LINGO1: variants seen among roughly 807,000 people sequenced by gnomAD.
The protein encoded by LINGO1 is leucine rich repeat and Ig domain containing 1.
A neutral mutation model predicts 37.3 loss-of-function variants in LINGO1; 11 were observed. The ratio of observed to expected loss-of-function variants is 0.29; its 90% CI spans 0.19 to 0.49. The LOEUF (loss-of-function observed/expected upper bound fraction) is 0.49. LINGO1 is among the 20% of genes least tolerant of loss of function. The pLI, the probability that LINGO1 is intolerant of heterozygous loss-of-function variation, is 0.99. For synonymous variants in LINGO1, 387 were observed against 403.0 expected (o/e 0.96, Z 0.48); for missense variants, 585 against 878.2 (o/e 0.67, Z 4.22).
At chr15:77,664,649 T>A (rs975369905) in intron 3 of LINGO1, among the ~76,000 whole-genome samples, 1 of 152,154 alleles carries the variant, frequency 6.6e-6, no homozygotes, top group African/African-American at 2.4e-5. Flanking sequence ...CAGCCTGAGC[T>A]GTTTCTTTGA....
intron 1 of LINGO1, among the ~76,000 whole-genome samples, chr15:77,748,363 C>T (rs934331345): frequency 2.0e-5 from 3 of 152,244 alleles, no homozygotes; most frequent in Non-Finnish European, 4.4e-5. Context: ...CTCCCTGAGC[C>T]TCAGTTTCCC....
intron 1 of LINGO1, among the ~76,000 whole-genome samples, chr15:77,622,046 C>G (rs1032185594): frequency 6.6e-6 from 1 of 152,150 alleles, no homozygotes; most frequent in Non-Finnish European, 1.5e-5. Flanking sequence ...GCGCGGTCCT[C>G]GTCTTGCCTT....
chr15:77,636,075 C>A (rs2074390555), upstream of LINGO1, among the ~76,000 whole-genome samples: 1 of 152,264 alleles, frequency 6.6e-6, no homozygotes. Flanking sequence ...TCCTACTGTA[C>A]AGATGAGAAG....
intron 1 of LINGO1, among the ~76,000 whole-genome samples, chr15:77,621,291 G>A (rs910285215): frequency 2.0e-5 from 3 of 152,176 alleles, no homozygotes; most frequent in African/African-American, 7.2e-5. Context: ...CTGAACTCAC[G>A]TGATCCACCC....
chr15:77,681,209 C>T (rs1354409621), intron 2 of LINGO1, among the ~76,000 whole-genome samples: 2 of 145,556 alleles, frequency 1.4e-5, no homozygotes, highest in African/African-American at 2.6e-5. Flanking sequence ...CAAAATGGTA[C>T]ATTTGGTTAT....
At chr15:77,683,836 TA>T (rs60118146) in intron 2 of LINGO1, among the ~76,000 whole-genome samples, 105,536 of 147,746 alleles carry the variant, frequency 0.71, 38,515 homozygotes, top group Non-Finnish European at 0.81. Flanking sequence ...GCTTTTATGG[TA>T]AAAAAAAAAA....
intron 1 of LINGO1, among the ~76,000 whole-genome samples, chr15:77,799,995 A>G (rs527292947): frequency 6.6e-6 from 1 of 152,238 alleles, no homozygotes; most frequent in East Asian, 1.9e-4. Flanking sequence ...GAAGCTCAGC[A>G]CTGAGAAGGC....
At chr15:77,778,846 G>A (rs930329775) in intron 1 of LINGO1, among the ~76,000 whole-genome samples, 3 of 151,896 alleles carry the variant, frequency 2.0e-5, no homozygotes, top group African/African-American at 7.3e-5. Flanking sequence ...TCACTCCTTT[G>A]CTAAAACCCT....
rs115071755 is a variant in LINGO1 at position 77,682,845 on chromosome 15, C to T, written c.-98-5671G>A. Among the ~76,000 whole-genome samples, 783 of 152,186 alleles carry T rather than the reference C, an allele frequency of 5.1e-3. 6 individuals carry two copies. The highest frequency in any genetic ancestry group is 0.018 in the African/African-American group (750 of 41,520). ...GCCCAGGAAGCCTCGCCAGGCCAGA[C>T]GCGAAACTCCGAAGCCCTGAGGAGC... On this transcript the variant is annotated intron_variant, in intron 2 of 3. Coordinates refer to the LINGO1 transcript ENST00000559893.
intron 3 of LINGO1, among the ~76,000 whole-genome samples, chr15:77,661,286 G>A (rs2074987623): frequency 6.6e-6 from 1 of 152,222 alleles, no homozygotes; most frequent in African/African-American, 2.4e-5. Flanking sequence ...AGGAGGGACT[G>A]TGGTCAGACT....
intron 1 of LINGO1, among the ~76,000 whole-genome samples, chr15:77,770,095 C>T (rs749490073): frequency 2.0e-5 from 3 of 152,188 alleles, no homozygotes; most frequent in Non-Finnish European, 2.9e-5. Context: ...AGGAAGCAAA[C>T]AAGCCTTAGT....
At chr15:77,714,179 T>C (rs770335487) in intron 2 of LINGO1, among the ~76,000 whole-genome samples, 6 of 152,130 alleles carry the variant, frequency 3.9e-5, no homozygotes, top group African/African-American at 9.7e-5. Context: ...AAGCCAGGAA[T>C]TGAGGATCCT....
At chr15:77,682,812 T>G (rs1163260503) in intron 2 of LINGO1, among the ~76,000 whole-genome samples, 1 of 151,970 alleles carries the variant, frequency 6.6e-6, no homozygotes, top group Non-Finnish European at 1.5e-5. Context: ...CCGCTCCACT[T>G]AAAACCCGCC....
intron 1 of LINGO1, among the ~76,000 whole-genome samples, chr15:77,777,342 T>TAC (rs372625740): frequency 0.015 from 2,231 of 147,752 alleles, 48 homozygotes; most frequent in African/African-American, 0.05. Flanking sequence ...GCCCCTCCCA[T>TAC]ACACACACAC....
intron 2 of LINGO1, among the ~76,000 whole-genome samples, chr15:77,705,483 G>A (rs2075841228): frequency 6.6e-6 from 1 of 152,136 alleles, no homozygotes; most frequent in South Asian, 2.1e-4. Flanking sequence ...CAGTCCTCTG[G>A]CTGCCTAGGG....
At chr15:77,706,677 C>A (rs2075856520) in intron 2 of LINGO1, among the ~76,000 whole-genome samples, 1 of 152,232 alleles carries the variant, frequency 6.6e-6, no homozygotes, top group African/African-American at 2.4e-5. Context: ...CTCAGAGAAG[C>A]CCTCCCAGAC....
At chr15:77,686,943 G>A (rs1326426757) in intron 2 of LINGO1, among the ~76,000 whole-genome samples, 1 of 152,208 alleles carries the variant, frequency 6.6e-6, no homozygotes, top group African/African-American at 2.4e-5. Context: ...ACTAGTGCAG[G>A]GCCTGGCACA....
chr15:77,744,229 C>A (rs1166039804), intron 1 of LINGO1, among the ~76,000 whole-genome samples: 1 of 145,086 alleles, frequency 6.9e-6, no homozygotes, highest in Non-Finnish European at 1.6e-5. Context: ...CCTCTCTGAC[C>A]CTCAGTAAGA....
chr15:77,641,770 G>A (rs1346656195), intron 3 of LINGO1: 8 of 437,910 alleles, frequency 1.8e-5, no homozygotes, highest in African/African-American at 1.0e-4. Flanking sequence ...AGCCAGAAAC[G>A]GGGCTGTGGC....
Sources: allele counts gnomAD v4.1 joint callset (sites outside exome capture counted in the v4.1 genomes callset), GRCh38; gene constraint gnomAD v4.1.1; transcripts MANE v1.5; gene names NCBI Gene and HGNC (gene_info 2026-07-23, HGNC 2026-07-21).